The following IDUA variants were observed in gnomAD, a reference collection of about 807,000 sequenced individuals.
The protein encoded by IDUA is iduronidase alpha-L-.
In IDUA, 65 loss-of-function variants were observed where a neutral mutation model predicts 68.9. The observed-to-expected ratio is 0.94, with a 90% CI of 0.77 to 1.16. The LOEUF (loss-of-function observed/expected upper bound fraction) is 1.16, where lower values mean the gene tolerates loss of function less well. IDUA is among the 50% of genes most tolerant of loss of function. IDUA has a pLI of 0.00. For synonymous variants in IDUA, 529 were observed against 433.6 expected (o/e 1.22, Z -2.73); for missense variants, 1,046 against 938.0 (o/e 1.12, Z -1.50).
chr4:987,162 C>A lies in IDUA; in HGVS notation c.78C>A (p.Ala26=). 7.0e-7 allele frequency: 1 copy of A among 1,432,598 alleles called. No homozygotes were observed. The highest frequency in any genetic ancestry group is 1.4e-5 in the South Asian group (1 of 70,226). The allele number at this position is 1,432,598 out of a possible 1,614,324, so 88.7% of individuals were successfully genotyped here. Residue 26 remains alanine (A), a synonymous_variant, in exon 1 of 14, where the codon GCC becomes GCA. Coordinates refer to ENST00000514224, the MANE Select transcript of IDUA (RefSeq NM_000203.5). ...SLLAAPPVAP[A]EAPHLVHVDA... The stretch of plus-strand genomic sequence containing the variant: ...TGGCCGCGCCCCCGGTGGCCCCGGC[C>A]GAGGCCCCGCACCTGGTGCATGTGG...
rs781039620 is a variant in IDUA, at chr4:1,003,639, G to A, written c.1727+14G>A. 1.4e-5 allele frequency: 22 copies of A among 1,611,970 alleles called. No homozygotes were observed. Among genetic ancestry groups the A allele is most frequent in the Admixed American group, 3.3e-5 (2 of 59,974 alleles). The stretch of plus-strand genomic sequence containing the variant: ...CGTGGGCTCCAAGTGCGTGAGTGGG[G>A]CCGCCCCTCCCTCTGCCTGGTCCTA... On this transcript the variant is annotated intron_variant, in intron 12 of 13. Transcript: ENST00000514224.
In IDUA at chr4:987,174, C is replaced by G. The variant is rs553425887; in HGVS notation, c.90C>G (p.His30Gln). The change falls in exon 1 of 14, where the codon CAC becomes CAG. Residue 30 changes from histidine (H) to glutamine (Q), a missense_variant. His to Gln is a conservative substitution (Grantham distance 24). Coordinates refer to ENST00000514224, the MANE Select transcript of IDUA (RefSeq NM_000203.5). ...CGGTGGCCCCGGCCGAGGCCCCGCA[C>G]CTGGTGCATGTGGACGCGGCCCGCG... Reference protein sequence around the residue: ...APPVAPAEAPHLVHVDAARAL... With the variant: ...APPVAPAEAPQLVHVDAARAL... 11 of 1,456,704 alleles carry G rather than the reference C, an allele frequency of 7.6e-6. No individual in the cohort carries two copies. Among genetic ancestry groups the G allele is most frequent in the Middle Eastern group, 4.9e-4 (2 of 4,116 alleles). The allele number at this position is 1,456,704 out of a possible 1,614,324, so 90.2% of individuals were successfully genotyped here.
chr4:1,003,366 C>T lies in IDUA; in HGVS notation c.1546C>T (p.Arg516Cys), dbSNP rs998149798. The T allele has an allele frequency of 2.7e-6, 4 of 1,476,240 alleles. No homozygotes were observed. The African/African-American group carries it at 5.9e-5, about 22-fold the overall frequency. 91.4% of individuals were successfully genotyped at this position (1,476,240 alleles called of 1,614,324 possible). Residue 516 changes from arginine (R) to cysteine (C), a missense_variant, in exon 11 of 14, where the codon CGC (arginine) becomes TGC (cysteine). By Grantham distance (180) the Arg-to-Cys change is radical. Coordinates refer to ENST00000514224, the MANE Select transcript of IDUA (RefSeq NM_000203.5). ...CCAGGACCCGGTGGCCGCGGCGCCC[C>T]GCCCCTTACCCGCCGGCGGCCGCCT... ...AAEDPVAAAP[R>C]PLPAGGRLTL...
rs779771827 is a variant in IDUA, at chr4:1,001,271, C to A, written c.494-197C>A. The A allele has an allele frequency of 4.4e-5, 25 of 571,572 alleles. No homozygotes were observed. The South Asian group carries it at 4.6e-4, about 11-fold the overall frequency. 35.4% of individuals were successfully genotyped at this position (571,572 alleles called of 1,614,324 possible). ...CTGCACCCCTATCACCCAGGCCGCA[C>A]CCCTATCACCCAGGCCGCCGCCCAG... On this transcript the variant is annotated intron_variant, in intron 4 of 13. Transcript: ENST00000514224.
chr4:987,306 T>G (rs1713809836), intron 1 of IDUA, 64 bp downstream of exon 1: 4 of 1,411,916 alleles, frequency 2.8e-6, no homozygotes, highest in Admixed American at 4.2e-5. Flanking sequence ...GCCCCCTGAC[T>G]GCGCACTGTG....
intron 4 of IDUA, 175 bp from the exon 5 acceptor site, chr4:1,001,293 C>G: frequency 1.4e-6 from 1 of 691,158 alleles, no homozygotes; most frequent in South Asian, 1.6e-5. Flanking sequence ...AGGCCGCCGC[C>G]CAGGTCTTGG....
intron 4 of IDUA, 153 bp from the exon 5 acceptor site, chr4:1,001,315 C>A: frequency 2.6e-6 from 2 of 761,050 alleles, no homozygotes; most frequent in East Asian, 2.6e-5. Flanking sequence ...CCCCCTTGAG[C>A]CAGCGCTTCC....
At chr4:1,003,671 T>A (rs1483892914) in intron 12 of IDUA, 46 bp downstream of exon 12, 1 of 1,591,378 alleles carries the variant, frequency 6.3e-7, no homozygotes, top group Admixed American at 1.7e-5. Context: ...CCTAGGCAGG[T>A]CCCTGGGTCC....
intron 2 of IDUA, chr4:990,624 C>T (rs1423143308): frequency 2.2e-5 from 11 of 507,146 alleles, no homozygotes; most frequent in Non-Finnish European, 3.5e-5. Flanking sequence ...ACCCTTGTCA[C>T]GTGCAGCAGC....
At chr4:992,326 C>CA (rs1427247306) in intron 2 of IDUA, 1 of 405,824 alleles carries the variant, frequency 2.5e-6, no homozygotes, top group African/African-American at 2.0e-5. Context: ...CACCTCCACC[C>CA]ACCCCTCTGT....
intron 3 of IDUA, 31 bp downstream of exon 3, chr4:1,000,728 C>T: frequency 6.4e-7 from 1 of 1,553,012 alleles, no homozygotes; most frequent in Non-Finnish European, 8.9e-7. Context: ...TCCCAGCCCG[C>T]CTGCACCCCC....
At position 1,001,516 on chromosome 4, in the gene IDUA, A is replaced by G. The variant is rs1715072314; in HGVS notation, c.542A>G (p.Asn181Ser). The change falls in exon 5 of 14, where the codon AAT becomes AGT. Residue 181 changes from asparagine (N) to serine (S), a missense_variant. Transcript: ENST00000514224. ...HVSKWNFETW[N>S]EPDHHDFDNV... ...TCCAAGTGGAACTTCGAGACGTGGA[A>G]TGAGCCAGACCACCACGACTTTGAC... is the stretch of plus-strand genomic sequence containing the variant. The G allele has an allele frequency of 2.5e-6, 4 of 1,613,240 alleles. No individual in the cohort carries two copies. The highest frequency in any genetic ancestry group is 3.4e-6 in the Non-Finnish European group (4 of 1,179,944).
chr4:989,402 G>T (rs775080599), intron 2 of IDUA: 9 of 1,562,488 alleles, frequency 5.8e-6, no homozygotes, highest in Non-Finnish European at 6.9e-6. Context: ...ATGCGGGCCA[G>T]CAGGGCGGTG....
At chr4:1,003,513 C>T (rs372923485) in intron 11 of IDUA, 36 bp from the exon 12 acceptor site, 69 of 1,604,900 alleles carry the variant, frequency 4.3e-5, no homozygotes, top group Middle Eastern at 1.6e-4. Flanking sequence ...CCGGACTCCC[C>T]TTCCCCGACG....
chr4:997,000 G>A (rs926321778), intron 2 of IDUA, among the ~76,000 whole-genome samples: 3 of 152,208 alleles, frequency 2.0e-5, no homozygotes, highest in African/African-American at 7.2e-5. Flanking sequence ...CCCCTGGCCA[G>A]TCTTGTGTCA....
chr4:998,860 C>T (rs946946733), intron 2 of IDUA, among the ~76,000 whole-genome samples: 2 of 150,430 alleles, frequency 1.3e-5, no homozygotes, highest in African/African-American at 4.9e-5. Flanking sequence ...ACCACCCAGT[C>T]TGGGCACCAT....
chr4:996,907 C>T (rs1253493360), intron 2 of IDUA, among the ~76,000 whole-genome samples: 4 of 152,156 alleles, frequency 2.6e-5, no homozygotes, highest in Admixed American at 2.0e-4. Context: ...CCGCTTGGCC[C>T]ACGCAGGACA....
rs1189340410 is a variant in IDUA at position 1,004,009 on chromosome 4, C to G, written c.1728-3C>G. On this transcript the variant is annotated splice_region_variant and splice_polypyrimidine_tract_variant and intron_variant, in intron 12 of 13. Coordinates refer to ENST00000514224, the MANE Select transcript of IDUA (RefSeq NM_000203.5). This position sits in a 1 kb window ranked among gnomAD's most constrained non-coding sequence, Gnocchi z 5.0. ...AGCCTTGTTCTTGGCCTGACCTCCCCAGGTGCCTGTGGACATACGAGATCC... is the reference window on the plus strand; with the variant it reads ...AGCCTTGTTCTTGGCCTGACCTCCCGAGGTGCCTGTGGACATACGAGATCC... The G allele has an allele frequency of 5.0e-6, 8 of 1,611,126 alleles. No homozygotes were observed. The highest frequency in any genetic ancestry group is 6.8e-6 in the Non-Finnish European group (8 of 1,178,618).
rs558586992 is a variant in IDUA at position 989,984 on chromosome 4, C to T, written c.299+2035C>T. 88 of 1,559,906 alleles carry T rather than the reference C, an allele frequency of 5.6e-5. 1 individual carries two copies. The highest frequency in any genetic ancestry group is 5.1e-4 in the South Asian group (43 of 84,958). On this transcript the variant is annotated intron_variant, in intron 2 of 13. Transcript: ENST00000514224. Reference sequence around the variant, plus strand: ...AAACCCGTGGGGATGTCGCCAGCCACGCTCGAGCCAAAGCGCTTGTGGAGC... The same window carrying T: ...AAACCCGTGGGGATGTCGCCAGCCATGCTCGAGCCAAAGCGCTTGTGGAGC...
Sources: gnomAD v4.1 joint callset for allele counts (sites outside exome capture counted in the v4.1 genomes callset) on GRCh38, gnomAD v4.1.1 for gene constraint, Gnocchi (gnomAD v3.1) non-coding constraint, MANE v1.5 for transcripts, NCBI Gene and HGNC (gene_info 2026-07-23, HGNC 2026-07-21) for gene names.